Variants in NCOR1 observed in about 807,000 individuals in gnomAD.
The protein encoded by NCOR1 is protein phosphatase 1, regulatory subunit 109.
NCOR1 carries 63 observed loss-of-function variants against 288.1 expected under a neutral mutation model. The ratio of observed to expected loss-of-function variants is 0.22; its 90% CI spans 0.18 to 0.27. The LOEUF (loss-of-function observed/expected upper bound fraction) is 0.27. Among genes scored for constraint, NCOR1 ranks in the 10% least tolerant of loss-of-function variants. NCOR1 has a pLI of 1.00. For missense variants in NCOR1, 2,397 were observed against 3,019.2 expected, an observed-to-expected ratio of 0.79 and a Z score of 4.83; for synonymous variants, 1,007 against 1,065.9, an observed-to-expected ratio of 0.94 and a Z score of 1.08.
At chr17:16,110,142 C>T (rs1454498960) in intron 18 of NCOR1, among the ~76,000 whole-genome samples, 2 of 152,108 alleles carry the variant, frequency 1.3e-5, no homozygotes, top group African/African-American at 2.4e-5. Flanking sequence ...ATCACTTGAA[C>T]TCAGGAGTTT....
Position 16,032,012 on chromosome 17 carries a change from T to C in NCOR1, c.*284A>G, listed in dbSNP as rs556706003. On this transcript the variant is annotated 3_prime_UTR_variant, in exon 46 of 46. Transcript: ENST00000268712. Reference sequence around the variant, plus strand: ...GACATTATGGTTTTCTTTACAGATGTAAGAACAGCAACTGTTCACTTTTTA... The same window carrying C: ...GACATTATGGTTTTCTTTACAGATGCAAGAACAGCAACTGTTCACTTTTTA... 1.2e-4 allele frequency: 47 copies of C among 394,992 alleles called. No homozygotes were observed. In the South Asian group the frequency reaches 1.6e-3, roughly 13 times the overall value. 24.5% of individuals were successfully genotyped at this position (394,992 alleles called of 1,614,324 possible).
chr17:16,166,319 T>C (rs1042629353), intron 4 of NCOR1, among the ~76,000 whole-genome samples: 35 of 152,314 alleles, frequency 2.3e-4, no homozygotes, highest in Admixed American at 9.1e-4. Context: ...GAGTTTATGA[T>C]TCCTCTCTTA....
chr17:16,203,594 T>C (rs956673290), intron 1 of NCOR1, among the ~76,000 whole-genome samples: 1 of 152,250 alleles, frequency 6.6e-6, no homozygotes, highest in African/African-American at 2.4e-5. Flanking sequence ...AGGTTTATCA[T>C]AATCTGAAAT....
At chr17:16,181,209 G>GTA (rs745612477) in intron 3 of NCOR1, among the ~76,000 whole-genome samples, 2 of 110,276 alleles carry the variant, frequency 1.8e-5, no homozygotes, top group Non-Finnish European at 3.6e-5. Flanking sequence ...ACATATATAT[G>GTA]TATGTGTGTG....
chr17:16,134,917 T>C (rs1362034962), intron 14 of NCOR1, among the ~76,000 whole-genome samples: 4 of 152,116 alleles, frequency 2.6e-5, no homozygotes, highest in Non-Finnish European at 2.9e-5. Flanking sequence ...CCCAGCACTT[T>C]GGGAGGCCGA....
At position 16,031,312 on chromosome 17, in the gene NCOR1, A is replaced by C. The variant is rs938254506; in HGVS notation, c.*984T>G. ...AGATCATTATCTTTTAACCCAACCA[A>C]TCATATATTCAAACTAAGGGAAAAA... On this transcript the variant is annotated 3_prime_UTR_variant, in exon 46 of 46. Coordinates refer to ENST00000268712, the MANE Select transcript of NCOR1 (RefSeq NM_006311.4). 3.1e-5 allele frequency: 6 copies of C among 191,384 alleles called. No individual in the cohort carries two copies. The highest frequency in any genetic ancestry group is 3.1e-4 in the Admixed American group (5 of 16,312). 11.9% of individuals were successfully genotyped at this position (191,384 alleles called of 1,614,324 possible).
chr17:16,101,916 C>G (rs1048572877), intron 19 of NCOR1, 159 bp from the exon 20 acceptor site: 92 of 891,642 alleles, frequency 1.0e-4, no homozygotes, highest in Admixed American at 1.4e-4. Flanking sequence ...CTTTGATGAC[C>G]TCATTGAAGT....
chr17:16,143,455 A>T lies in NCOR1; in HGVS notation c.1173+151T>A, dbSNP rs547909685. Reference sequence around the variant, plus strand: ...TGATCGTGTGACTGCCTCGTTTAAAAACCCTTTAACAGACACTCAAATCTT... The same window carrying T: ...TGATCGTGTGACTGCCTCGTTTAAATACCCTTTAACAGACACTCAAATCTT... On this transcript the variant is annotated intron_variant, in intron 11 of 45. Coordinates refer to ENST00000268712, the MANE Select transcript of NCOR1 (RefSeq NM_006311.4). 17 of 597,718 alleles carry T rather than the reference A, an allele frequency of 2.8e-5. No individual in the cohort carries two copies. In the Admixed American group the frequency reaches 3.2e-4, roughly 11 times the overall value. 37.0% of individuals were successfully genotyped at this position (597,718 alleles called of 1,614,324 possible). A position where few individuals can be genotyped will look rare whatever the true frequency, so the allele number is the denominator to read the frequency against.
chr17:16,178,487 A>C (rs1241116008), intron 3 of NCOR1, among the ~76,000 whole-genome samples: 1 of 143,360 alleles, frequency 7.0e-6, no homozygotes, highest in Non-Finnish European at 1.5e-5. Flanking sequence ...CAACAGAGCA[A>C]GACTCCGTCT....
chr17:16,035,878 T>TCC (rs1365688611), intron 44 of NCOR1, among the ~76,000 whole-genome samples: 14 of 152,092 alleles, frequency 9.2e-5, no homozygotes, highest in African/African-American at 3.1e-4. Flanking sequence ...AGTGACTCCC[T>TCC]CCACTGACGT....
intron 2 of NCOR1, among the ~76,000 whole-genome samples, chr17:16,191,406 C>T (rs1429924714): frequency 2.6e-5 from 4 of 152,156 alleles, no homozygotes; most frequent in African/African-American, 7.2e-5. Context: ...CTTCATCTCT[C>T]TTTACAGGAA....
intron 1 of NCOR1, among the ~76,000 whole-genome samples, chr17:16,213,675 T>C (rs2092337469): frequency 6.6e-6 from 1 of 151,974 alleles, no homozygotes; most frequent in South Asian, 2.1e-4. Flanking sequence ...TTCAATCTGT[T>C]TAAAACAATT....
intron 14 of NCOR1, among the ~76,000 whole-genome samples, chr17:16,126,744 AAAG>A (rs2074121800): frequency 6.6e-6 from 1 of 152,212 alleles, no homozygotes; most frequent in Non-Finnish European, 1.5e-5. Context: ...AATAAGGTGA[AAAG>A]AAGTAAAATG....
chr17:16,034,709 C>G, intron 45 of NCOR1, 56 bp downstream of exon 45: 3 of 1,438,690 alleles, frequency 2.1e-6, no homozygotes, highest in East Asian at 4.6e-5. Context: ...AACTAATAAC[C>G]AAGACATTGA....
chr17:16,044,547 T>A, intron 42 of NCOR1: 1 of 500,848 alleles, frequency 2.0e-6, no homozygotes, highest in Non-Finnish European at 4.1e-6. Flanking sequence ...TAAGGCCACG[T>A]TGGGATGAGG....
intron 17 of NCOR1, among the ~76,000 whole-genome samples, chr17:16,118,412 T>C (rs1228605373): frequency 1.3e-5 from 2 of 152,182 alleles, no homozygotes; most frequent in African/African-American, 4.8e-5. Context: ...ATATAAATGA[T>C]AAACACAATT....
intron 21 of NCOR1, among the ~76,000 whole-genome samples, chr17:16,092,697 T>A (rs8070075): frequency 0.011 from 336 of 30,010 alleles, 3 homozygotes; most frequent in East Asian, 0.071. Flanking sequence ...ATATATATAT[T>A]TTTTTTTTTT....
At chr17:16,053,483 A>G (rs763646260) in intron 40 of NCOR1, among the ~76,000 whole-genome samples, 10 of 152,190 alleles carry the variant, frequency 6.6e-5, no homozygotes, top group Non-Finnish European at 1.5e-4. Flanking sequence ...ACAGCTAACC[A>G]GGGAGGTGAA....
At chr17:16,059,301 C>T (rs2285584) in intron 37 of NCOR1, among the ~76,000 whole-genome samples, 1 of 152,054 alleles carries the variant, frequency 6.6e-6, no homozygotes, top group African/African-American at 2.4e-5. Context: ...GCTTCATTCA[C>T]CACCATGATG....
Sources: allele counts gnomAD v4.1 joint callset (sites outside exome capture counted in the v4.1 genomes callset), GRCh38; gene constraint gnomAD v4.1.1; transcripts MANE v1.5; gene names NCBI Gene and HGNC (gene_info 2026-07-23, HGNC 2026-07-21).